The following ROBO1 variants were observed in gnomAD, a reference collection of about 807,000 sequenced individuals.
The protein encoded by ROBO1 is roundabout homolog 1.
ROBO1 carries 149 observed loss-of-function variants against 195.9 expected under a neutral mutation model. The ratio of observed to expected loss-of-function variants is 0.76; its 90% confidence interval spans 0.67 to 0.87. ROBO1 has a LOEUF of 0.87. Ranked by LOEUF, ROBO1 falls within the 40% of genes least tolerant of loss-of-function variation. The pLI, the probability that ROBO1 is intolerant of heterozygous loss-of-function variation, is 0.00. For synonymous variants in ROBO1, 816 were observed against 733.2 expected, an observed-to-expected ratio of 1.11 and a Z score of -1.82; for missense variants, 1,933 against 2,068.3, an observed-to-expected ratio of 0.93 and a Z score of 1.27.
At chr3:79,470,963 T>G (rs778846390) in intron 2 of ROBO1, among the ~76,000 whole-genome samples, 17 of 152,168 alleles carry the variant, frequency 1.1e-4, no homozygotes, top group Non-Finnish European at 1.9e-4. Context: ...ACAATTATAA[T>G]AAAATGATAT....
chr3:78,712,934 A>T (rs2081800281), intron 8 of ROBO1, among the ~76,000 whole-genome samples: 1 of 152,198 alleles, frequency 6.6e-6, no homozygotes, highest in South Asian at 2.1e-4. Context: ...CTAACGTAAT[A>T]GACAGTCAAC....
At chr3:79,224,995 C>A (rs1272555752) in intron 2 of ROBO1, among the ~76,000 whole-genome samples, 3 of 152,070 alleles carry the variant, frequency 2.0e-5, no homozygotes, top group Non-Finnish European at 4.4e-5. Flanking sequence ...TCTGTGGAAG[C>A]TCCTCAGAAA....
intron 2 of ROBO1, among the ~76,000 whole-genome samples, chr3:79,428,014 T>G (rs927463701): frequency 6.6e-6 from 1 of 151,930 alleles, no homozygotes; most frequent in African/African-American, 2.4e-5. Flanking sequence ...ACCCATAGAA[T>G]GAGAGAAAAT....
chr3:79,247,941 C>A (rs1217910770), intron 2 of ROBO1, among the ~76,000 whole-genome samples: 2 of 152,048 alleles, frequency 1.3e-5, no homozygotes, highest in East Asian at 3.9e-4. Context: ...TGTTTCCCTG[C>A]CGGAAATCAT....
In ROBO1 at chr3:79,365,154, A is replaced by G. The variant is rs541615708; in HGVS notation, c.88+224670T>C. 6.7e-4 allele frequency among the ~76,000 whole-genome samples: 102 copies of G among 152,158 alleles called. 2 individuals are homozygous for G. Among genetic ancestry groups the G allele is most frequent in the African/African-American group, 2.3e-3 (94 of 41,508 alleles). On this transcript the variant is annotated intron_variant, in intron 2 of 30. Transcript: ENST00000464233. ...TGTAGTTTACTTATTGGTTCCCTCT[A>G]TGCTTTACTCCTTTCCTCTCACGAT...
chr3:79,629,687 A>G (rs1434394220), intron 1 of ROBO1, among the ~76,000 whole-genome samples: 1 of 152,048 alleles, frequency 6.6e-6, no homozygotes, highest in African/African-American at 2.4e-5. Context: ...TTATACAAAG[A>G]ATAAAGCACA....
chr3:79,682,125 A>G (rs1236949091), intron 1 of ROBO1, among the ~76,000 whole-genome samples: 2 of 152,000 alleles, frequency 1.3e-5, no homozygotes, highest in African/African-American at 2.4e-5. Context: ...AATTAATACT[A>G]TATCTTCAAT....
In ROBO1 at chr3:78,845,299, A is replaced by G. The variant is rs1013899035; in HGVS notation, c.499+93302T>C. On this transcript the variant is annotated intron_variant, in intron 4 of 30. Transcript: ENST00000464233. ...GAGATTTAATATGAAAAAAGTGTAG[A>G]TCTCATTAACATTTTTAAATTGTTT... Among the ~76,000 whole-genome samples the G allele has an allele frequency of 2.0e-5, 3 of 151,652 alleles. No individual in the cohort carries two copies. In the South Asian group the frequency reaches 6.2e-4, roughly 32 times the overall value.
At chr3:79,731,931 A>G (rs902830628) in intron 1 of ROBO1, among the ~76,000 whole-genome samples, 1 of 152,238 alleles carries the variant, frequency 6.6e-6, no homozygotes, top group African/African-American at 2.4e-5. Flanking sequence ...AAATGTCATC[A>G]TGCATCACTT....
chr3:79,591,932 C>A (rs970355016), intron 1 of ROBO1, among the ~76,000 whole-genome samples: 5 of 151,672 alleles, frequency 3.3e-5, no homozygotes, highest in African/African-American at 9.7e-5. Flanking sequence ...GGAAAAAACC[C>A]TAGACCTCTG....
chr3:79,226,706 G>T (rs146418958), intron 2 of ROBO1, among the ~76,000 whole-genome samples: 1 of 151,664 alleles, frequency 6.6e-6, no homozygotes, highest in Non-Finnish European at 1.5e-5. Flanking sequence ...GTGCCACAAT[G>T]CCCAGCTAAC....
chr3:78,665,740 C>T (rs1279348081), intron 14 of ROBO1, among the ~76,000 whole-genome samples: 1 of 151,990 alleles, frequency 6.6e-6, no homozygotes, highest in Non-Finnish European at 1.5e-5. Context: ...ATGTTTAGCC[C>T]CATTTTATAG....
At chr3:78,809,590 C>G (rs562933522) in intron 4 of ROBO1, among the ~76,000 whole-genome samples, 2 of 152,166 alleles carry the variant, frequency 1.3e-5, no homozygotes, top group African/African-American at 4.8e-5. Context: ...GGAACCAACA[C>G]AAATGCCCAT....
chr3:79,389,454 G>A (rs2106692036), intron 2 of ROBO1, among the ~76,000 whole-genome samples: 1 of 152,162 alleles, frequency 6.6e-6, no homozygotes, highest in South Asian at 2.1e-4. Flanking sequence ...TTCTCACTAT[G>A]GGAAAGGGAC....
chr3:78,839,833 C>T (rs760533684), intron 4 of ROBO1, among the ~76,000 whole-genome samples: 1 of 152,196 alleles, frequency 6.6e-6, no homozygotes, highest in Non-Finnish European at 1.5e-5. Flanking sequence ...AAAATGCCAT[C>T]TCCTCTGCTG....
chr3:79,562,271 T>C (rs1295054133), intron 2 of ROBO1, among the ~76,000 whole-genome samples: 1 of 151,768 alleles, frequency 6.6e-6, no homozygotes, highest in Non-Finnish European at 1.5e-5. Flanking sequence ...TTATAAACAC[T>C]ATGTGCACAC....
intron 2 of ROBO1, among the ~76,000 whole-genome samples, chr3:79,581,137 T>G (rs35606688): frequency 6.7e-6 from 1 of 149,214 alleles, no homozygotes; most frequent in African/African-American, 2.5e-5. Context: ...TTTTGTCTTG[T>G]TTTATTTATT....
intron 3 of ROBO1, among the ~76,000 whole-genome samples, chr3:79,040,620 C>T (rs2078469744): frequency 6.6e-6 from 1 of 152,090 alleles, no homozygotes; most frequent in Non-Finnish European, 1.5e-5. Flanking sequence ...CTACTCTTCA[C>T]TCTCATGACA....
At chr3:79,555,816 A>T (rs1026036385) in intron 2 of ROBO1, among the ~76,000 whole-genome samples, 11 of 152,142 alleles carry the variant, frequency 7.2e-5, no homozygotes, top group Non-Finnish European at 8.8e-5. Context: ...ACTCTCAGCA[A>T]AAGTCATTCT....
Sources: gnomAD v4.1 joint callset for allele counts (sites outside exome capture counted in the v4.1 genomes callset) on GRCh38, gnomAD v4.1.1 for gene constraint, MANE v1.5 for transcripts, NCBI Gene and HGNC (gene_info 2026-07-23, HGNC 2026-07-21) for gene names.